The following OPCML variants were observed in gnomAD, a reference collection of about 807,000 sequenced individuals.
OPCML encodes the protein opioid-binding protein/cell adhesion molecule.
Under a neutral mutation model 37.8 loss-of-function variants are expected in OPCML, and 13 were observed. The observed-to-expected ratio is 0.34, with a 90% CI of 0.22 to 0.55. The LOEUF (loss-of-function observed/expected upper bound fraction) is 0.55, where lower values mean the gene tolerates loss of function less well. Ranked by LOEUF, OPCML falls within the 20% of genes least tolerant of loss-of-function variation. The probability of loss-of-function intolerance (pLI) is 0.91; values close to 1 mark genes in which losing one functional copy is unlikely to be tolerated. For synonymous variants in OPCML, 176 were observed against 168.8 expected, an observed-to-expected ratio of 1.04 and a Z score of -0.33; for missense variants, 341 against 435.6, an observed-to-expected ratio of 0.78 and a Z score of 1.93.
rs555187821 is a variant in OPCML, at chr11:133,255,350, C to A, written c.61+276914G>T. On this transcript the variant is annotated intron_variant, in intron 1 of 7. Coordinates refer to ENST00000524381, the MANE Select transcript of OPCML (RefSeq NM_001012393.5). ...ATAGGGAATATTTTAGGTTCTGAGT[C>A]TTGCTAGGAAGACACTTCCAGTCGA... Among the ~76,000 whole-genome samples, 7 of 152,216 alleles carry A rather than the reference C, an allele frequency of 4.6e-5. No individual in the cohort carries two copies. The South Asian group carries it at 1.2e-3, about 27-fold the overall frequency.
intron 1 of OPCML, among the ~76,000 whole-genome samples, chr11:133,340,938 A>G (rs1943855818): frequency 6.6e-6 from 1 of 152,106 alleles, no homozygotes; most frequent in East Asian, 1.9e-4. Flanking sequence ...GTCTCTGTTG[A>G]ATACCAGTGT....
At chr11:133,450,322 C>G (rs1305856639) in intron 1 of OPCML, among the ~76,000 whole-genome samples, 1 of 151,638 alleles carries the variant, frequency 6.6e-6, no homozygotes, top group Non-Finnish European at 1.5e-5. Flanking sequence ...CCAAATACTA[C>G]AACCAGATGC....
intron 1 of OPCML, chr11:133,024,960 C>A: frequency 1.0e-6 from 1 of 985,360 alleles, no homozygotes; most frequent in Admixed American, 6.1e-5. Flanking sequence ...CACTGCAGAG[C>A]CTATGAATCT....
chr11:132,423,629 G>T (rs2095967613), intron 7 of OPCML, among the ~76,000 whole-genome samples: 1 of 152,190 alleles, frequency 6.6e-6, no homozygotes, highest in Non-Finnish European at 1.5e-5. Flanking sequence ...AAAGTTTCTG[G>T]GTTAGTTCTC....
At chr11:133,017,392 TTTTA>T (rs1041011052) in intron 1 of OPCML, among the ~76,000 whole-genome samples, 16 of 151,930 alleles carry the variant, frequency 1.1e-4, no homozygotes, top group South Asian at 4.2e-4. Flanking sequence ...CCTCTTTTCC[TTTTA>T]TTTATTTATT....
chr11:132,491,417 G>A (rs1307339396), intron 4 of OPCML, among the ~76,000 whole-genome samples: 1 of 152,216 alleles, frequency 6.6e-6, no homozygotes, highest in Non-Finnish European at 1.5e-5. Context: ...TTTCCCGAGA[G>A]TGCTCCTTGC....
rs1591602015 is a variant in OPCML, at chr11:132,782,071, C to T, written c.147-124752G>A. On this transcript the variant is annotated intron_variant, in intron 2 of 7. Coordinates refer to ENST00000524381, the MANE Select transcript of OPCML (RefSeq NM_001012393.5). The stretch of plus-strand genomic sequence containing the variant: ...TTTCATCTGCAGCCCCTCTCTTCCA[C>T]TCTGAGTCTCTGCAAATGTTTGAAA... 2.0e-5 allele frequency among the ~76,000 whole-genome samples: 3 copies of T among 151,326 alleles called. No homozygotes were observed. In the South Asian group the frequency reaches 6.3e-4, roughly 32 times the overall value.
chr11:132,609,097 C>A (rs771601353), intron 3 of OPCML, among the ~76,000 whole-genome samples: 1 of 151,702 alleles, frequency 6.6e-6, no homozygotes, highest in Non-Finnish European at 1.5e-5. Flanking sequence ...ACTGACCCAT[C>A]ACTTCTTTAA....
intron 1 of OPCML, among the ~76,000 whole-genome samples, chr11:133,215,704 G>A (rs570183492): frequency 6.6e-6 from 1 of 152,232 alleles, no homozygotes; most frequent in Non-Finnish European, 1.5e-5. Flanking sequence ...CGAGGGAGCA[G>A]AACCCAGGTC....
chr11:132,727,275 A>T (rs1944920051), intron 2 of OPCML, among the ~76,000 whole-genome samples: 1 of 152,184 alleles, frequency 6.6e-6, no homozygotes. Context: ...CTGAGTCTAA[A>T]GCCCTGCTAT....
Position 133,304,975 on chromosome 11 carries a change from C to T in OPCML, c.61+227289G>A, listed in dbSNP as rs190128225. On this transcript the variant is annotated intron_variant, in intron 1 of 7. Coordinates refer to ENST00000524381, the MANE Select transcript of OPCML (RefSeq NM_001012393.5). ...AGACCCACCTACACCAAGATATGAA[C>T]TATAGGAACTACAGTCTCAAAACTG... Among the ~76,000 whole-genome samples, 4 of 152,262 alleles carry T rather than the reference C, an allele frequency of 2.6e-5. No individual in the cohort carries two copies. In the East Asian group the frequency reaches 7.7e-4, roughly 29 times the overall value.
At chr11:132,475,291 A>T (rs1415069969) in intron 4 of OPCML, among the ~76,000 whole-genome samples, 1 of 152,204 alleles carries the variant, frequency 6.6e-6, no homozygotes, top group Non-Finnish European at 1.5e-5. Flanking sequence ...GTACAGAAAC[A>T]AAGGAGTTAT....
At chr11:132,697,086 A>G (rs1943626215) in intron 2 of OPCML, among the ~76,000 whole-genome samples, 1 of 152,218 alleles carries the variant, frequency 6.6e-6, no homozygotes, top group South Asian at 2.1e-4. Flanking sequence ...CATGGATGAA[A>G]AAAGCAAAAT....
chr11:132,593,047 C>G (rs939179115), intron 3 of OPCML, among the ~76,000 whole-genome samples: 1 of 152,096 alleles, frequency 6.6e-6, no homozygotes, highest in African/African-American at 2.4e-5. Flanking sequence ...TAATTTTAGA[C>G]AGTGATGGGG....
At position 133,228,956 on chromosome 11, in the gene OPCML, G is replaced by T. The variant is rs79770957; in HGVS notation, c.62-285946C>A. Among the ~76,000 whole-genome samples, 644 of 152,208 alleles carry T rather than the reference G, an allele frequency of 4.2e-3. 10 individuals carry two copies. Among genetic ancestry groups the T allele is most frequent in the African/African-American group, 0.014 (590 of 41,534 alleles). On this transcript the variant is annotated intron_variant, in intron 1 of 7. Coordinates refer to ENST00000524381, the MANE Select transcript of OPCML (RefSeq NM_001012393.5). ...GCTGAGGTCTCAATTTAAAACCAAA[G>T]TGTCCCAGTGGCACCGCGTAATTCT...
chr11:132,683,755 G>C (rs1662431425), intron 2 of OPCML, among the ~76,000 whole-genome samples: 1 of 152,074 alleles, frequency 6.6e-6, no homozygotes, highest in Admixed American at 6.5e-5. Context: ...CTGACTCATG[G>C]GTCAGGTTCA....
chr11:132,759,013 G>C (rs987808449), intron 2 of OPCML, among the ~76,000 whole-genome samples: 1 of 152,148 alleles, frequency 6.6e-6, no homozygotes. Flanking sequence ...AGCATGAAAG[G>C]GGGTTGAATT....
intron 1 of OPCML, among the ~76,000 whole-genome samples, chr11:133,121,099 T>A (rs1949413440): frequency 6.6e-6 from 1 of 152,070 alleles, no homozygotes; most frequent in Non-Finnish European, 1.5e-5. Context: ...ATTTTTATAT[T>A]TTTACTAGAG....
chr11:133,176,147 T>C (rs1950369193), intron 1 of OPCML, among the ~76,000 whole-genome samples: 1 of 152,200 alleles, frequency 6.6e-6, no homozygotes, highest in Non-Finnish European at 1.5e-5. Context: ...TTCATGTATT[T>C]ATTACTATTC....
Sources: gnomAD v4.1 joint callset for allele counts (sites outside exome capture counted in the v4.1 genomes callset) on GRCh38, gnomAD v4.1.1 for gene constraint, MANE v1.5 for transcripts, NCBI Gene and HGNC (gene_info 2026-07-23, HGNC 2026-07-21) for gene names.